Variants in CA1 observed in about 807,000 individuals in gnomAD.
CA1 encodes carbonate dehydratase I.
CA1 carries 27 observed loss-of-function variants against 28.8 expected under a neutral mutation model. The ratio of observed to expected loss-of-function variants is 0.94; its 90% CI spans 0.69 to 1.29. The LOEUF (loss-of-function observed/expected upper bound fraction) is 1.29. Among genes scored for constraint, CA1 ranks in the 50% most tolerant of loss-of-function variants. The pLI, the probability that CA1 is intolerant of heterozygous loss-of-function variation, is 0.00. For missense variants in CA1, 335 were observed against 310.5 expected (o/e 1.08, Z -0.59); for synonymous variants, 121 against 108.8 (o/e 1.11, Z -0.70).
chr8:85,377,277 G>A (rs932748999), intron 1 of CA1, among the ~76,000 whole-genome samples: 4 of 152,024 alleles, frequency 2.6e-5, no homozygotes, highest in African/African-American at 9.7e-5. Flanking sequence ...TACTTTTACT[G>A]GAATTGCTTT....
chr8:85,329,403 A>G (rs745727718), intron 7 of CA1, among the ~76,000 whole-genome samples: 4 of 152,102 alleles, frequency 2.6e-5, no homozygotes, highest in African/African-American at 7.2e-5. Context: ...TTTTTCCTTT[A>G]TTTCTGAAAT....
chr8:85,344,193 TA>T (rs1809047981), intron 1 of CA1, among the ~76,000 whole-genome samples: 1 of 114,018 alleles, frequency 8.8e-6, no homozygotes, highest in African/African-American at 4.9e-5. Context: ...TATAATTATA[TA>T]TTATACAGTA....
At chr8:85,338,706 CTTTCTCTCTCTT>C (rs1808785320) in intron 2 of CA1, among the ~76,000 whole-genome samples, 1 of 122,804 alleles carries the variant, frequency 8.1e-6, no homozygotes, top group South Asian at 2.5e-4. Flanking sequence ...CTCTCTCTTT[CTTTCTCTCTCTT>C]TTTTTTTTTT....
chr8:85,344,197 ATACAG>A (rs1809049769), intron 1 of CA1, among the ~76,000 whole-genome samples: 1 of 113,382 alleles, frequency 8.8e-6, no homozygotes, highest in Non-Finnish European at 1.6e-5. Context: ...ATTATATATT[ATACAG>A]TATATAATAT....
chr8:85,332,434 C>A, intron 6 of CA1, 56 bp downstream of exon 6: 1 of 1,358,736 alleles, frequency 7.4e-7, no homozygotes, highest in Non-Finnish European at 1.1e-6. Context: ...TAAATGATTT[C>A]CATAGATCTG....
chr8:85,331,948 C>T (rs921389656), intron 6 of CA1, among the ~76,000 whole-genome samples: 1 of 152,044 alleles, frequency 6.6e-6, no homozygotes, highest in Non-Finnish European at 1.5e-5. Context: ...ATTCATTTTA[C>T]ACAAATATAT....
At chr8:85,332,314 T>C in intron 6 of CA1, 176 bp downstream of exon 6, 1 of 592,532 alleles carries the variant, frequency 1.7e-6, no homozygotes, top group Non-Finnish European at 3.0e-6. Flanking sequence ...ACCAAAACAA[T>C]TCCCTGCATT....
chr8:85,372,787 T>C (rs1345547546), intron 1 of CA1, among the ~76,000 whole-genome samples: 1 of 152,204 alleles, frequency 6.6e-6, no homozygotes, highest in Non-Finnish European at 1.5e-5. Context: ...CACTCCATCC[T>C]GATGGGGCCG....
At chr8:85,372,303 C>T (rs1313991227) in intron 1 of CA1, among the ~76,000 whole-genome samples, 1 of 152,006 alleles carries the variant, frequency 6.6e-6, no homozygotes, top group Admixed American at 6.6e-5. Flanking sequence ...ACCAACCAGA[C>T]AAAAATACAG....
intron 1 of CA1, among the ~76,000 whole-genome samples, chr8:85,362,860 A>G (rs1306713594): frequency 1.3e-5 from 2 of 152,194 alleles, no homozygotes; most frequent in Non-Finnish European, 2.9e-5. Flanking sequence ...TGAAAATATC[A>G]ATGCTGATAT....
chr8:85,375,931 G>A (rs1252358039), intron 1 of CA1, among the ~76,000 whole-genome samples: 1 of 152,180 alleles, frequency 6.6e-6, no homozygotes, highest in East Asian at 1.9e-4. Flanking sequence ...TATAAAACAT[G>A]TAAAAAGCAA....
intron 1 of CA1, among the ~76,000 whole-genome samples, chr8:85,376,034 A>G (rs912866785): frequency 1.3e-5 from 2 of 152,232 alleles, no homozygotes; most frequent in African/African-American, 4.8e-5. Context: ...TTACACAGTT[A>G]TAAGTTATAA....
At chr8:85,341,544 G>A (rs566968290) in intron 2 of CA1, 55 bp downstream of exon 2, 1 of 1,054,386 alleles carries the variant, frequency 9.5e-7, no homozygotes, top group South Asian at 1.3e-5. Flanking sequence ...TATCTTTTCT[G>A]TTGGAAATGG....
At chr8:85,359,388 T>G (rs1456237179) in intron 1 of CA1, among the ~76,000 whole-genome samples, 1 of 152,214 alleles carries the variant, frequency 6.6e-6, no homozygotes. Flanking sequence ...GGAGAATCTA[T>G]TCCTGCAGGC....
rs1267567825 is a variant in CA1, at chr8:85,328,024, G to GC, written c.*535dup. 1.3e-5 allele frequency: 2 copies of GC among 153,062 alleles called. No individual in the cohort carries two copies. Among genetic ancestry groups the GC allele is most frequent in the Admixed American group, 1.3e-4 (2 of 15,350 alleles). 9.5% of individuals were successfully genotyped at this position (153,062 alleles called of 1,614,324 possible). A position where few individuals can be genotyped will look rare whatever the true frequency, so the allele number is the denominator to read the frequency against. On this transcript the variant is annotated 3_prime_UTR_variant, in exon 8 of 8. Transcript: ENST00000523022. ...CACAAATGGTAGCAATGTTGGGCCA[G>GC]CATAACGATATTAAATCCAGTGGTC...
At chr8:85,351,002 G>A (rs1421761201) in intron 1 of CA1, among the ~76,000 whole-genome samples, 2 of 152,162 alleles carry the variant, frequency 1.3e-5, no homozygotes, top group Non-Finnish European at 2.9e-5. Flanking sequence ...TCCTCATACA[G>A]TCCCCTGCAG....
At chr8:85,351,119 C>T (rs959187064) in intron 1 of CA1, among the ~76,000 whole-genome samples, 2 of 152,106 alleles carry the variant, frequency 1.3e-5, no homozygotes, top group Admixed American at 1.3e-4. Flanking sequence ...TTCTAGTCCT[C>T]CCCCAACTTC....
At chr8:85,338,064 T>C in intron 3 of CA1, 188 bp downstream of exon 3, 1 of 698,968 alleles carries the variant, frequency 1.4e-6, no homozygotes. Context: ...AATAGAGAGC[T>C]GGGAGTTCCA....
intron 1 of CA1, among the ~76,000 whole-genome samples, chr8:85,345,629 A>T (rs1356538833): frequency 6.6e-6 from 1 of 152,172 alleles, no homozygotes; most frequent in Non-Finnish European, 1.5e-5. Context: ...ATTTTTAAAG[A>T]TGTAGAAGAG....
Sources: gnomAD v4.1 joint callset for allele counts (sites outside exome capture counted in the v4.1 genomes callset) on GRCh38, gnomAD v4.1.1 for gene constraint, MANE v1.5 for transcripts, NCBI Gene and HGNC (gene_info 2026-07-23, HGNC 2026-07-21) for gene names.